Variants in TPCN2 observed in about 807,000 individuals in gnomAD.
TPCN2 encodes the protein two pore channel protein 2.
In TPCN2, 92 loss-of-function variants were observed where a neutral mutation model predicts 111.4. That is an observed-to-expected ratio of 0.83 (90% CI 0.70 to 0.98). The LOEUF (loss-of-function observed/expected upper bound fraction) is 0.98, where lower values mean the gene tolerates loss of function less well. Among genes scored for constraint, TPCN2 ranks in the 50% least tolerant of loss-of-function variants. TPCN2 has a pLI of 0.00. For missense variants in TPCN2, 995 were observed against 980.1 expected (o/e 1.02, Z -0.20); for synonymous variants, 405 against 414.5 (o/e 0.98, Z 0.28).
intron 13 of TPCN2, among the ~76,000 whole-genome samples, chr11:69,073,917 G>C (rs1354488456): frequency 1.3e-5 from 2 of 152,122 alleles, no homozygotes; most frequent in East Asian, 1.9e-4. Context: ...ATCCTCACGT[G>C]GTCATCCCTC....
At chr11:69,078,703 A>G in intron 14 of TPCN2, 31 bp from the exon 15 acceptor site, 2 of 1,613,682 alleles carry the variant, frequency 1.2e-6, no homozygotes, top group Non-Finnish European at 1.7e-6. Flanking sequence ...GTGCTGGGCC[A>G]GCCGGCGAGC....
Position 69,087,846 on chromosome 11 carries a change from C to A in TPCN2, c.2181-29C>A, listed in dbSNP as rs116313968. 706 of 1,596,634 alleles carry A rather than the reference C, an allele frequency of 4.4e-4. 6 individuals carry two copies. The African/African-American group carries it at 8.8e-3, about 20-fold the overall frequency. On this transcript the variant is annotated intron_variant, in intron 24 of 24. Transcript: ENST00000294309. ...CCAGGGTCTCCCTCCTTTAGAGGCC[C>A]CTGTGTGCATCTTTCCTCAATTCCA... is the stretch of plus-strand genomic sequence containing the variant.
intron 13 of TPCN2, among the ~76,000 whole-genome samples, chr11:69,074,516 A>G (rs1855670778): frequency 6.6e-6 from 1 of 152,188 alleles, no homozygotes; most frequent in Non-Finnish European, 1.5e-5. Flanking sequence ...AGATAACAGA[A>G]AGTTAAGAAG....
chr11:69,067,107 C>T (rs1296068588), intron 7 of TPCN2, among the ~76,000 whole-genome samples: 1 of 152,202 alleles, frequency 6.6e-6, no homozygotes, highest in African/African-American at 2.4e-5. Context: ...CCTATCTCAC[C>T]CTGGCAGCCT....
At chr11:69,085,337 G>A in intron 20 of TPCN2, 51 bp downstream of exon 20, 1 of 1,445,570 alleles carries the variant, frequency 6.9e-7, no homozygotes, top group Non-Finnish European at 9.7e-7. Context: ...GTGCTGGGGT[G>A]GGCGGGAAGC....
chr11:69,067,692 T>G (rs1445410703), intron 8 of TPCN2, 87 bp downstream of exon 8: 29 of 1,213,302 alleles, frequency 2.4e-5, no homozygotes, highest in Non-Finnish European at 3.1e-5. Context: ...TAGAACCCAG[T>G]GGGAGTTTCT....
chr11:69,050,088 G>A (rs1565076892), intron 1 of TPCN2, among the ~76,000 whole-genome samples: 1 of 152,216 alleles, frequency 6.6e-6, no homozygotes. Flanking sequence ...TGTGGCATGT[G>A]CCCATCCATG....
chr11:69,085,977 G>A (rs545245382), intron 22 of TPCN2, 47 bp downstream of exon 22: 5 of 1,570,346 alleles, frequency 3.2e-6, no homozygotes, highest in Non-Finnish European at 4.4e-6. Flanking sequence ...TGCAGCCTGG[G>A]GGTTCCCTCA....
chr11:69,062,741 C>A (rs1043967675), intron 5 of TPCN2, 143 bp from the exon 6 acceptor site: 29 of 737,514 alleles, frequency 3.9e-5, no homozygotes, highest in Non-Finnish European at 6.7e-5. Context: ...AGCTCTGGAG[C>A]CAGGCCCTCC....
chr11:69,078,467 G>C lies in TPCN2; in HGVS notation c.1231-15G>C, dbSNP rs1302193556. ...TGCTGGCCTGTGCTTCTGAGCACGT[G>C]TGTTCCTTGCCCAGCACCCGCCGAG... is the stretch of plus-strand genomic sequence containing the variant. On this transcript the variant is annotated splice_polypyrimidine_tract_variant and intron_variant, in intron 13 of 24. Coordinates refer to ENST00000294309, the MANE Select transcript of TPCN2 (RefSeq NM_139075.4). The C allele has an allele frequency of 6.2e-7, 1 of 1,613,892 alleles. No homozygotes were observed. Among genetic ancestry groups the C allele is most frequent in the South Asian group, 1.1e-5 (1 of 91,088 alleles).
chr11:69,055,453 TC>T, intron 4 of TPCN2, 101 bp downstream of exon 4: 1 of 1,252,490 alleles, frequency 8.0e-7, no homozygotes, highest in Non-Finnish European at 1.1e-6. Flanking sequence ...AGCTGCCTTT[TC>T]CCCAGACTTT....
rs1856253078 is a variant in TPCN2, at chr11:69,085,910, A to T, written c.1983A>T (p.Ala661=). 6.2e-7 allele frequency: 1 copy of T among 1,614,036 alleles called. No individual in the cohort carries two copies. Among genetic ancestry groups the T allele is most frequent in the Non-Finnish European group, 8.5e-7 (1 of 1,180,012 alleles). Residue 661 remains alanine (A), a synonymous_variant, in exon 22 of 25, where the codon GCA becomes GCT. Coordinates refer to ENST00000294309, the MANE Select transcript of TPCN2 (RefSeq NM_139075.4). ...ACAACTGGCAGGTGTTTCTGGATGC[A>T]TATCGGCGCTACTCAGGCCCGTGAG... ...VVNNWQVFLD[A]YRRYSGPWSK...
intron 13 of TPCN2, among the ~76,000 whole-genome samples, chr11:69,074,645 G>A (rs942363129): frequency 1.3e-5 from 2 of 152,106 alleles, no homozygotes; most frequent in African/African-American, 4.8e-5. Context: ...TAACCCAGAC[G>A]GACACCTTGG....
intron 2 of TPCN2, chr11:69,054,361 G>T: frequency 1.7e-6 from 1 of 574,868 alleles, no homozygotes; most frequent in African/African-American, 1.9e-5. Context: ...GGTGGGTGGG[G>T]GCATCCTGGA....
At position 69,078,361 on chromosome 11, in the gene TPCN2, A is replaced by G. The variant is rs574636971; in HGVS notation, c.1231-121A>G. On this transcript the variant is annotated intron_variant, in intron 13 of 24. Transcript: ENST00000294309. Reference sequence around the variant, plus strand: ...GGGATTATTTCCTGTGGCTGGATAGATAGGACGGGAGATGGGGTAGGAAAA... The same window carrying G: ...GGGATTATTTCCTGTGGCTGGATAGGTAGGACGGGAGATGGGGTAGGAAAA... The G allele has an allele frequency of 5.0e-4, 622 of 1,254,358 alleles. 5 individuals carry two copies. Among genetic ancestry groups the G allele is most frequent in the Non-Finnish European group, 6.8e-5 (62 of 911,380 alleles). The allele number at this position is 1,254,358 out of a possible 1,614,324, so 77.7% of individuals were successfully genotyped here.
intron 5 of TPCN2, among the ~76,000 whole-genome samples, chr11:69,058,994 G>A (rs1854902397): frequency 1.3e-5 from 2 of 152,224 alleles, no homozygotes; most frequent in Non-Finnish European, 2.9e-5. Context: ...AAGCAAGGAA[G>A]AAAATGAATA....
intron 1 of TPCN2, among the ~76,000 whole-genome samples, chr11:69,051,600 C>T (rs1043048534): frequency 2.8e-4 from 43 of 152,322 alleles, no homozygotes; most frequent in Middle Eastern, 3.4e-3. Context: ...ATTAGGAAGC[C>T]GTGTCGAGGC....
chr11:69,065,719 C>T (rs1005050178), intron 7 of TPCN2, among the ~76,000 whole-genome samples: 3 of 152,188 alleles, frequency 2.0e-5, no homozygotes, highest in Non-Finnish European at 2.9e-5. Flanking sequence ...TGGCTTTGCT[C>T]GTTGTGAAGC....
chr11:69,087,214 G>T lies in TPCN2; in HGVS notation c.2180+8G>T, dbSNP rs1209878019. ...TGTGGAGCTCCTGTTCAGGTGTGTG[G>T]GTGGGGAAGGCGCTTCTGTCTGGCC... On this transcript the variant is annotated splice_region_variant and intron_variant, in intron 24 of 24. Coordinates refer to ENST00000294309, the MANE Select transcript of TPCN2 (RefSeq NM_139075.4). The T allele has an allele frequency of 6.2e-7, 1 of 1,613,030 alleles. No homozygotes were observed. The highest frequency in any genetic ancestry group is 8.5e-7 in the Non-Finnish European group (1 of 1,179,260).
Sources: allele counts gnomAD v4.1 joint callset (sites outside exome capture counted in the v4.1 genomes callset), GRCh38; gene constraint gnomAD v4.1.1; transcripts MANE v1.5; gene names NCBI Gene and HGNC (gene_info 2026-07-23, HGNC 2026-07-21).